SGO2: variants seen among roughly 807,000 people sequenced by gnomAD.
SGO2 encodes shugoshin-like 2.
In SGO2, 68 loss-of-function variants were observed where a neutral mutation model predicts 99.5. That is an observed-to-expected ratio of 0.68 (90% CI 0.56 to 0.84). The LOEUF (loss-of-function observed/expected upper bound fraction) is 0.84, where lower values mean the gene tolerates loss of function less well. SGO2 is among the 40% of genes least tolerant of loss of function. The probability of loss-of-function intolerance (pLI) is 0.00; values close to 1 mark genes in which losing one functional copy is unlikely to be tolerated. For missense variants in SGO2, 1,350 were observed against 1,436.7 expected (o/e 0.94, Z 0.97); for synonymous variants, 457 against 487.1 (o/e 0.94, Z 0.81).
intron 5 of SGO2, among the ~76,000 whole-genome samples, chr2:200,552,165 G>C (rs916523843): frequency 6.6e-6 from 1 of 151,752 alleles, no homozygotes. Context: ...TAGTTTTTTT[G>C]TATTGAGTTA....
chr2:200,567,155 C>T (rs1219498250), intron 5 of SGO2, among the ~76,000 whole-genome samples: 1 of 152,190 alleles, frequency 6.6e-6, no homozygotes, highest in Non-Finnish European at 1.5e-5. Context: ...CCGTCTTCTG[C>T]ATCGTTCATG....
chr2:200,533,248 C>T, intron 2 of SGO2, 140 bp downstream of exon 2: 6 of 882,424 alleles, frequency 6.8e-6, no homozygotes, highest in Non-Finnish European at 1.0e-5. Flanking sequence ...AAATTTGATC[C>T]TTCCTATCTC....
rs777061908 is a variant in SGO2 at position 200,572,022 on chromosome 2, A to T, written c.1676A>T (p.Tyr559Phe). The T allele has an allele frequency of 6.2e-7, 1 of 1,612,614 alleles. No individual in the cohort carries two copies. Among genetic ancestry groups the T allele is most frequent in the Non-Finnish European group, 8.5e-7 (1 of 1,179,446 alleles). The change falls in exon 7 of 9, where the codon TAT (tyrosine) becomes TTT (phenylalanine). Residue 559 changes from tyrosine (Y) to phenylalanine (F), a missense_variant. Coordinates refer to ENST00000357799, the MANE Select transcript of SGO2 (RefSeq NM_152524.6). ...AACCAAAAGGATAAAGTAACCATTT[A>T]TGAAAACCTAGACGTCACAAATGAA... ...LPNQKDKVTI[Y>F]ENLDVTNEFH... is the part of the protein sequence containing the mutation.
chr2:200,551,170 G>C lies in SGO2; in HGVS notation c.473+8506G>C, dbSNP rs544374658. Reference sequence around the variant, plus strand: ...AAGGAAATTAGTGTATCAAAGAGCTGTCTGCACTCCCATGTTTATTGCAGC... The same window carrying C: ...AAGGAAATTAGTGTATCAAAGAGCTCTCTGCACTCCCATGTTTATTGCAGC... On this transcript the variant is annotated intron_variant, in intron 5 of 8. Transcript: ENST00000357799. 3.9e-5 allele frequency among the ~76,000 whole-genome samples: 6 copies of C among 152,148 alleles called. No individual in the cohort carries two copies. In the South Asian group the frequency reaches 1.2e-3, roughly 32 times the overall value.
Position 200,544,029 on chromosome 2 carries a change from G to A in SGO2, c.473+1365G>A, listed in dbSNP as rs1055538179. ...TACCCACTACCCAACACCTACCCAA[G>A]GATAAAATATTATACTGACTTCTAA... On this transcript the variant is annotated intron_variant, in intron 5 of 8. Transcript: ENST00000357799. Among the ~76,000 whole-genome samples the A allele has an allele frequency of 4.6e-5, 7 of 152,050 alleles. No homozygotes were observed. The East Asian group carries it at 1.4e-3, about 29-fold the overall frequency.
intron 4 of SGO2, among the ~76,000 whole-genome samples, chr2:200,540,955 G>A (rs1246524863): frequency 6.6e-6 from 1 of 152,142 alleles, no homozygotes; most frequent in Non-Finnish European, 1.5e-5. Context: ...GATTCATTTG[G>A]TTCACAGTTC....
chr2:200,571,104 G>A lies in SGO2; in HGVS notation c.758G>A (p.Arg253Lys), dbSNP rs200223096. 2.9e-4 allele frequency: 470 copies of A among 1,612,590 alleles called. No homozygotes were observed. The highest frequency in any genetic ancestry group is 3.9e-4 in the Non-Finnish European group (462 of 1,179,360). The stretch of plus-strand genomic sequence containing the variant: ...AAGACTTCTCTAATGAGTGAGATGA[G>A]AAACGCCCAGTCTATTGGCCGCAGA... ...SSKTSLMSEM[R>K]NAQSIGRRWE... is the part of the protein sequence containing the mutation. The change falls in exon 7 of 9, where the codon AGA becomes AAA. Residue 253 changes from arginine (R) to lysine (K), a missense_variant. Arg to Lys is a conservative substitution (Grantham distance 26). Coordinates refer to ENST00000357799, the MANE Select transcript of SGO2 (RefSeq NM_152524.6).
chr2:200,552,910 G>A (rs1171596654), intron 5 of SGO2, among the ~76,000 whole-genome samples: 5 of 152,018 alleles, frequency 3.3e-5, no homozygotes, highest in Admixed American at 6.6e-5. Flanking sequence ...TGTTCAAGAC[G>A]GAGTTGCTCT....
chr2:200,535,776 G>A (rs1392786438), intron 3 of SGO2, among the ~76,000 whole-genome samples: 9 of 151,934 alleles, frequency 5.9e-5, no homozygotes, highest in Non-Finnish European at 1.2e-4. Flanking sequence ...ACTATGAGAA[G>A]ATAGAAAAAT....
intron 8 of SGO2, among the ~76,000 whole-genome samples, chr2:200,582,922 C>CTAGATATATATAAAGAT (rs1319820116): frequency 3.0e-4 from 46 of 152,228 alleles, no homozygotes; most frequent in African/African-American, 1.1e-3. Context: ...AGATATCTAT[C>CTAGATATATATAAAGAT]AAACAGATAA....
intron 3 of SGO2, among the ~76,000 whole-genome samples, chr2:200,535,391 C>T (rs1188775241): frequency 6.6e-6 from 1 of 152,060 alleles, no homozygotes. Context: ...CTGTGTAAAC[C>T]AGTATAATAC....
intron 5 of SGO2, among the ~76,000 whole-genome samples, chr2:200,560,485 G>C (rs987489246): frequency 6.6e-6 from 1 of 151,878 alleles, no homozygotes; most frequent in Non-Finnish European, 1.5e-5. Context: ...TTTTTATAAT[G>C]ATTTGTATTG....
At chr2:200,529,004 T>C (rs1009760214) in intron 1 of SGO2, among the ~76,000 whole-genome samples, 1 of 152,234 alleles carries the variant, frequency 6.6e-6, no homozygotes, top group Non-Finnish European at 1.5e-5. Context: ...AACAACATAG[T>C]AATTCAGTGA....
chr2:200,583,410 T>C lies in SGO2; in HGVS notation c.3783-39T>C, dbSNP rs768977488. 7.2e-5 allele frequency: 113 copies of C among 1,558,810 alleles called. 2 individuals carry two copies. The South Asian group carries it at 1.3e-3, about 19-fold the overall frequency. On this transcript the variant is annotated intron_variant, in intron 8 of 8. Transcript: ENST00000357799. The stretch of plus-strand genomic sequence containing the variant: ...ATGCTTCACAGCAAAAGCATTAATT[T>C]TGGGTTGTTATTAATCTTCCTTTTT...
chr2:200,533,029 A>G lies in SGO2; in HGVS notation c.54A>G (p.Arg18=). The change falls in exon 2 of 9, where the codon AGA becomes AGG. Residue 18 remains arginine (R), a synonymous_variant. Transcript: ENST00000357799. The stretch of plus-strand genomic sequence containing the variant: ...CACTTTTTACCTCAGGAATTAAGAG[A>G]CATTTGAAAGACAAAAGAATTTCAA... The part of the protein sequence containing the change: ...TGSLFTSGIK[R]HLKDKRISKT... 6.2e-7 allele frequency: 1 copy of G among 1,608,722 alleles called. No homozygotes were observed. The highest frequency in any genetic ancestry group is 8.5e-7 in the Non-Finnish European group (1 of 1,178,612).
chr2:200,573,901 A>G lies in SGO2; in HGVS notation c.3555A>G (p.Gln1185=), dbSNP rs778862144. Residue 1185 remains glutamine, a synonymous_variant, in exon 7 of 9, where the codon CAA becomes CAG. Transcript: ENST00000357799. The part of the protein sequence containing the change: ...NFALECSPAF[Q]VSDDEHEKMN... ...CCTTGGAGTGCTCCCCAGCCTTTCA[A>G]GTAAGTGATGATGAGCATGAGAAGA... 1.2e-6 allele frequency: 2 copies of G among 1,611,758 alleles called. No homozygotes were observed. Among genetic ancestry groups the G allele is most frequent in the East Asian group, 2.2e-5 (1 of 44,842 alleles).
intron 1 of SGO2, among the ~76,000 whole-genome samples, chr2:200,528,021 A>T (rs1036127214): frequency 2.6e-5 from 4 of 152,206 alleles, no homozygotes; most frequent in Non-Finnish European, 5.9e-5. Flanking sequence ...AGAAGGAATA[A>T]AAGTTTCTGC....
At chr2:200,578,528 G>C (rs942102919) in intron 8 of SGO2, among the ~76,000 whole-genome samples, 4 of 152,184 alleles carry the variant, frequency 2.6e-5, no homozygotes, top group Non-Finnish European at 5.9e-5. Flanking sequence ...AGTCACACAG[G>C]TTGTTGGCAG....
intron 5 of SGO2, among the ~76,000 whole-genome samples, chr2:200,558,805 CTT>C (rs1176594661): frequency 8.6e-5 from 11 of 128,464 alleles, no homozygotes; most frequent in Admixed American, 2.3e-4. Context: ...GGTAACATCT[CTT>C]TTTTTTTTTT....
Sources: gnomAD v4.1 joint callset for allele counts (sites outside exome capture counted in the v4.1 genomes callset) on GRCh38, gnomAD v4.1.1 for gene constraint, MANE v1.5 for transcripts, NCBI Gene and HGNC (gene_info 2026-07-23, HGNC 2026-07-21) for gene names.